The following RBMS3 variants were observed in gnomAD, a reference collection of about 807,000 sequenced individuals.
RBMS3 encodes RNA-binding motif, single-stranded-interacting protein 3.
Under a neutral mutation model 66.8 loss-of-function variants are expected in RBMS3, and 27 were observed. That is an observed-to-expected ratio of 0.40 (90% confidence interval 0.30 to 0.56). The LOEUF (loss-of-function observed/expected upper bound fraction) is 0.56, where lower values mean the gene tolerates loss of function less well. RBMS3 is among the 20% of genes least tolerant of loss of function. RBMS3 has a pLI of 0.40. For missense variants in RBMS3, 513 were observed against 549.5 expected (o/e 0.93, Z 0.66); for synonymous variants, 188 against 183.0 (o/e 1.03, Z -0.22).
chr3:29,934,741 C>G (rs1355132582), intron 10 of RBMS3, among the ~76,000 whole-genome samples: 2 of 151,950 alleles, frequency 1.3e-5, no homozygotes, highest in Non-Finnish European at 2.9e-5. Context: ...AAAGCTGGCC[C>G]TGTATATCAA....
intron 4 of RBMS3, among the ~76,000 whole-genome samples, chr3:29,629,870 T>C (rs893617708): frequency 2.6e-5 from 4 of 152,096 alleles, no homozygotes; most frequent in African/African-American, 9.7e-5. Context: ...ACTAATATCT[T>C]CCAGTACAAA....
intron 6 of RBMS3, among the ~76,000 whole-genome samples, chr3:29,778,340 A>G (rs1334069541): frequency 6.6e-6 from 1 of 150,954 alleles, no homozygotes; most frequent in Non-Finnish European, 1.5e-5. Context: ...GATTATTTCA[A>G]TTTCACTTCT....
chr3:29,587,298 A>G (rs1394069426), intron 4 of RBMS3, 93 bp downstream of exon 4: 72 of 682,012 alleles, frequency 1.1e-4, no homozygotes, highest in Non-Finnish European at 9.2e-5. Context: ...GAGAGAGATC[A>G]GGAGGAAGGA....
intron 4 of RBMS3, among the ~76,000 whole-genome samples, chr3:29,625,691 G>T (rs1398607189): frequency 7.8e-6 from 1 of 128,600 alleles, no homozygotes; most frequent in Non-Finnish European, 1.6e-5. Flanking sequence ...AGAGTGAAAC[G>T]CCATTAAAGT....
intron 4 of RBMS3, among the ~76,000 whole-genome samples, chr3:29,692,309 C>A (rs1287738618): frequency 6.6e-6 from 1 of 151,916 alleles, no homozygotes; most frequent in Non-Finnish European, 1.5e-5. Context: ...CCTCATGTTT[C>A]CATTTTAACT....
intron 3 of RBMS3, among the ~76,000 whole-genome samples, chr3:29,579,598 G>A (rs939174317): frequency 6.6e-6 from 1 of 152,132 alleles, no homozygotes; most frequent in Non-Finnish European, 1.5e-5. Flanking sequence ...TGTTGGAATT[G>A]TTTTATTAAT....
chr3:29,517,303 G>A (rs1224951615), intron 3 of RBMS3, among the ~76,000 whole-genome samples: 2 of 131,984 alleles, frequency 1.5e-5, no homozygotes, highest in Non-Finnish European at 3.1e-5. Flanking sequence ...GTGTGTGTGT[G>A]TGTGTATATA....
chr3:29,601,206 A>G (rs1320470474), intron 4 of RBMS3, among the ~76,000 whole-genome samples: 1 of 151,880 alleles, frequency 6.6e-6, no homozygotes, highest in Non-Finnish European at 1.5e-5. Context: ...TATGAAAATT[A>G]TTTACACAAT....
chr3:29,771,715 G>T (rs1362553137), intron 6 of RBMS3, among the ~76,000 whole-genome samples: 1 of 151,962 alleles, frequency 6.6e-6, no homozygotes, highest in Non-Finnish European at 1.5e-5. Context: ...TCCACAGGGT[G>T]TATAGGAAGT....
intron 4 of RBMS3, among the ~76,000 whole-genome samples, chr3:29,648,259 G>GTTTTTTTTTTTTTTTTTTTTT (rs2050012143): frequency 9.7e-6 from 1 of 103,588 alleles, no homozygotes; most frequent in Non-Finnish European, 1.9e-5. Context: ...AATAGAAAAT[G>GTTTTTTTTTTTTTTTTTTTTT]TCTATTTTTT....
intron 1 of RBMS3, among the ~76,000 whole-genome samples, chr3:29,360,004 G>T (rs193198598): frequency 6.6e-6 from 1 of 152,142 alleles, no homozygotes; most frequent in East Asian, 1.9e-4. Context: ...CCAGCTCCTG[G>T]ATTCATTGAT....
chr3:29,858,941 T>C (rs2059145470), intron 6 of RBMS3, among the ~76,000 whole-genome samples: 1 of 152,222 alleles, frequency 6.6e-6, no homozygotes. Context: ...TCTGCTTTTA[T>C]CGTCACTGTG....
Position 29,388,999 on chromosome 3 carries a change from T to G in RBMS3, c.76-45744T>G, listed in dbSNP as rs147179630. 2.4e-3 allele frequency among the ~76,000 whole-genome samples: 373 copies of G among 152,372 alleles called. 3 individuals carry two copies. Among genetic ancestry groups the G allele is most frequent in the Non-Finnish European group, 4.3e-3 (290 of 68,036 alleles). On this transcript the variant is annotated intron_variant, in intron 1 of 14. Coordinates refer to ENST00000383767, the MANE Select transcript of RBMS3 (RefSeq NM_001003793.3). ...TATTGATTTGAGAATTTGAGAGGAA[T>G]CATCTCTTGATTTTTTAAAATTTAA... is the stretch of plus-strand genomic sequence containing the variant.
At chr3:29,355,881 T>G (rs775580848) in intron 1 of RBMS3, among the ~76,000 whole-genome samples, 11 of 152,104 alleles carry the variant, frequency 7.2e-5, no homozygotes, top group Non-Finnish European at 1.5e-4. Context: ...ACTAACCCAA[T>G]CAAGATACAG....
intron 5 of RBMS3, among the ~76,000 whole-genome samples, chr3:29,761,115 T>A (rs1364878403): frequency 6.6e-6 from 1 of 152,070 alleles, no homozygotes; most frequent in African/African-American, 2.4e-5. Context: ...AAGTTCAAGG[T>A]GGCAACAGCA....
intron 1 of RBMS3, among the ~76,000 whole-genome samples, chr3:29,293,506 T>C (rs977070769): frequency 1.3e-5 from 2 of 151,782 alleles, no homozygotes; most frequent in African/African-American, 4.8e-5. Context: ...GGGAGGAGCC[T>C]GGTAAAAAGA....
At chr3:29,998,348 A>G (rs1699388782) in intron 14 of RBMS3, among the ~76,000 whole-genome samples, 2 of 152,340 alleles carry the variant, frequency 1.3e-5, no homozygotes, top group Admixed American at 1.3e-4. Flanking sequence ...GCCCAAGGTA[A>G]TTGATAGATT....
At chr3:29,434,054 A>G (rs2041307634) in intron 1 of RBMS3, among the ~76,000 whole-genome samples, 1 of 152,224 alleles carries the variant, frequency 6.6e-6, no homozygotes, top group Non-Finnish European at 1.5e-5. Flanking sequence ...TATCCTGTCC[A>G]GATGGTTTAT....
At chr3:29,559,731 TTGAATGAA>T (rs902123697) in intron 3 of RBMS3, among the ~76,000 whole-genome samples, 47 of 152,138 alleles carry the variant, frequency 3.1e-4, no homozygotes, top group Non-Finnish European at 5.6e-4. Flanking sequence ...TTTGCATTTA[TTGAATGAA>T]TGAATGAATG....
Sources: gnomAD v4.1 joint callset for allele counts (sites outside exome capture counted in the v4.1 genomes callset) on GRCh38, gnomAD v4.1.1 for gene constraint, MANE v1.5 for transcripts, NCBI Gene and HGNC (gene_info 2026-07-23, HGNC 2026-07-21) for gene names.